KIF1B: variants seen among roughly 807,000 people sequenced by gnomAD.
The protein encoded by KIF1B is kinesin-like protein KIF1B.
KIF1B carries 76 observed loss-of-function variants against 241.9 expected under a neutral mutation model. That is an observed-to-expected ratio of 0.31 (90% CI 0.26 to 0.38). The LOEUF (loss-of-function observed/expected upper bound fraction) is 0.38. Among genes scored for constraint, KIF1B ranks in the 10% least tolerant of loss-of-function variants. The pLI is 1.00. For missense variants in KIF1B, 1,622 were observed against 2,271.4 expected (o/e 0.71, Z 5.81); for synonymous variants, 750 against 796.7 (o/e 0.94, Z 0.99).
intron 27 of KIF1B, among the ~76,000 whole-genome samples, chr1:10,328,101 G>A (rs924588647): frequency 1.3e-5 from 2 of 152,092 alleles, no homozygotes; most frequent in Non-Finnish European, 1.5e-5. Flanking sequence ...AAGGCAGGAG[G>A]ATAATTTGAG....
chr1:10,295,717 T>TG lies in KIF1B; in HGVS notation c.1728_1729insG (p.Lys577GlufsTer10). 6.2e-7 allele frequency: 1 copy of TG among 1,613,882 alleles called. No homozygotes were observed. The highest frequency in any genetic ancestry group is 8.5e-7 in the Non-Finnish European group (1 of 1,179,934). On this transcript the variant is annotated frameshift_variant, in exon 19 of 49. Transcript: ENST00000676179. LOFTEE classifies it high-confidence loss of function. ...ACATAGTGCTGAGCGGGGCTCACAT[T>TG]AAAGAAGAGCATTGTATCTTCCGGA...
At chr1:10,287,390 T>C (rs992732931) in intron 15 of KIF1B, among the ~76,000 whole-genome samples, 15 of 152,110 alleles carry the variant, frequency 9.9e-5, no homozygotes, top group Admixed American at 2.0e-4. Context: ...AGAGATGGGG[T>C]TTCACCATGT....
intron 2 of KIF1B, among the ~76,000 whole-genome samples, chr1:10,252,890 A>C (rs1248230144): frequency 1.3e-5 from 2 of 151,744 alleles, no homozygotes; most frequent in African/African-American, 4.8e-5. Context: ...CGCTGCACTG[A>C]TTTTTTATAT....
chr1:10,368,461 C>A lies in KIF1B; in HGVS notation c.4753-6C>A. 6.2e-7 allele frequency: 1 copy of A among 1,612,644 alleles called. No individual in the cohort carries two copies. The highest frequency in any genetic ancestry group is 8.5e-7 in the Non-Finnish European group (1 of 1,178,756). ...TTCAGCTTGCACTTCTCTTTCTCTT[C>A]TTTAGTGCCTGCAACTTCTCACCCA... is the stretch of plus-strand genomic sequence containing the variant. On this transcript the variant is annotated splice_polypyrimidine_tract_variant and splice_region_variant and intron_variant, in intron 43 of 48. Coordinates refer to ENST00000676179, the MANE Select transcript of KIF1B (RefSeq NM_001365951.3).
intron 2 of KIF1B, among the ~76,000 whole-genome samples, chr1:10,253,022 G>GTGTGTTTTTCTTA: frequency 6.6e-6 from 1 of 152,144 alleles, no homozygotes; most frequent in Non-Finnish European, 1.5e-5. Flanking sequence ...ACTGTGCCTG[G>GTGTGTTTTTCTTA]CCAATAAAGA....
intron 22 of KIF1B, chr1:10,307,028 A>C: frequency 9.6e-7 from 1 of 1,039,688 alleles, no homozygotes; most frequent in Non-Finnish European, 1.2e-6. Context: ...ATTCCAAAGA[A>C]TTGGGTTTAT....
chr1:10,296,854 T>G (rs1331564223), intron 20 of KIF1B, 43 bp from the exon 21 acceptor site: 1 of 1,561,150 alleles, frequency 6.4e-7, no homozygotes. Flanking sequence ...TACTATATAT[T>G]AAAAAAATTA....
At chr1:10,274,218 A>T (rs905442309) in intron 10 of KIF1B, among the ~76,000 whole-genome samples, 2 of 152,096 alleles carry the variant, frequency 1.3e-5, no homozygotes, top group Non-Finnish European at 2.9e-5. Flanking sequence ...GATTACAGGC[A>T]TGAGCCACTG....
At chr1:10,276,237 G>T in intron 11 of KIF1B, 84 bp from the exon 12 acceptor site, 1 of 895,240 alleles carries the variant, frequency 1.1e-6, no homozygotes, top group Admixed American at 1.9e-5. Context: ...TAGGATCTGA[G>T]ATTACAATAT....
Position 10,323,956 on chromosome 1 carries a change from A to G in KIF1B, c.2431A>G (p.Met811Val). The G allele has an allele frequency of 1.2e-6, 2 of 1,614,126 alleles. No individual in the cohort carries two copies. The highest frequency in any genetic ancestry group is 2.2e-5 in the South Asian group (2 of 91,080). ...PLPPELLPTEMEKTHEDRPFP... is the reference protein window; with the variant it reads ...PLPPELLPTEVEKTHEDRPFP... Reference sequence around the variant, plus strand: ...GCCTCCTGAATTACTTCCCACTGAGATGGAAAAAACTCATGAGGACAGGCC... The same window carrying G: ...GCCTCCTGAATTACTTCCCACTGAGGTGGAAAAAACTCATGAGGACAGGCC... Residue 811 changes from methionine to valine, a missense_variant, in exon 25 of 49, where the codon ATG (methionine) becomes GTG (valine). Around this residue, in one of 7 missense-constraint regions of KIF1B, gnomAD observed 803 missense variants for 1,112.0 expected, o/e 0.72. Transcript: ENST00000676179.
intron 2 of KIF1B, among the ~76,000 whole-genome samples, chr1:10,250,594 G>A (rs894139767): frequency 2.0e-5 from 3 of 152,148 alleles, no homozygotes; most frequent in South Asian, 4.1e-4. Context: ...GGGAGGGCAA[G>A]GAAAGAGGAT....
intron 22 of KIF1B, among the ~76,000 whole-genome samples, chr1:10,314,850 T>A (rs1651232464): frequency 1.3e-5 from 2 of 151,698 alleles, no homozygotes; most frequent in Admixed American, 1.3e-4. Flanking sequence ...GAATTTTGTA[T>A]TCATTGGTAG....
chr1:10,215,151 TATATATATATATATATATATA>T (rs1447882706), intron 1 of KIF1B, among the ~76,000 whole-genome samples: 2 of 61,646 alleles, frequency 3.2e-5, no homozygotes, highest in African/African-American at 2.2e-4. Context: ...TATATATATA[TATATATATATATATATATATA>T]TTTTTTTTTT....
chr1:10,249,337 TC>T (rs1421820706), intron 2 of KIF1B, among the ~76,000 whole-genome samples: 1 of 152,204 alleles, frequency 6.6e-6, no homozygotes, highest in African/African-American at 2.4e-5. Context: ...CTTTTTTTTT[TC>T]TGTGAATGTT....
At chr1:10,324,353 CTTAT>C (rs1358200222) in intron 25 of KIF1B, among the ~76,000 whole-genome samples, 1 of 152,138 alleles carries the variant, frequency 6.6e-6, no homozygotes, top group African/African-American at 2.4e-5. Flanking sequence ...AGATTTGGAA[CTTAT>C]TTATTTTTTC....
At position 10,361,063 on chromosome 1, in the gene KIF1B, C is replaced by A; in HGVS notation, c.4170+20C>A. The A allele has an allele frequency of 2.1e-6, 3 of 1,437,132 alleles. No homozygotes were observed. The highest frequency in any genetic ancestry group is 2.3e-5 in the East Asian group (1 of 44,052). The allele number at this position is 1,437,132 out of a possible 1,614,324, so 89.0% of individuals were successfully genotyped here. ...CTAGAGGTGAGGAGACTTGGAACTTCAGTTGATGCCAACAGTCAGCCCTGA... is the reference window on the plus strand; with the variant it reads ...CTAGAGGTGAGGAGACTTGGAACTTAAGTTGATGCCAACAGTCAGCCCTGA... On this transcript the variant is annotated intron_variant, in intron 39 of 48. Coordinates refer to ENST00000676179, the MANE Select transcript of KIF1B (RefSeq NM_001365951.3).
intron 12 of KIF1B, among the ~76,000 whole-genome samples, chr1:10,277,617 G>A (rs1052503661): frequency 1.3e-5 from 2 of 152,162 alleles, no homozygotes; most frequent in African/African-American, 4.8e-5. Context: ...GGGATTACAG[G>A]TGTGAGCTGC....
intron 22 of KIF1B, chr1:10,306,176 G>A: frequency 9.6e-7 from 1 of 1,039,272 alleles, no homozygotes; most frequent in Non-Finnish European, 1.2e-6. Context: ...CTTAAAAAGA[G>A]AAGCTTTGAG....
intron 1 of KIF1B, among the ~76,000 whole-genome samples, chr1:10,222,043 A>G (rs1388013886): frequency 6.6e-6 from 1 of 152,222 alleles, no homozygotes; most frequent in African/African-American, 2.4e-5. Flanking sequence ...TACTGAATAA[A>G]GTATTAGTAT....
Sources: allele counts gnomAD v4.1 joint callset (sites outside exome capture counted in the v4.1 genomes callset), GRCh38; gene constraint gnomAD v4.1.1; regional missense constraint gnomAD v4.1.1; transcripts MANE v1.5; gene names NCBI Gene and HGNC (gene_info 2026-07-23, HGNC 2026-07-21).